Variants in SLC25A25 observed in about 807,000 individuals in gnomAD.
SLC25A25 encodes solute carrier family 25 member 25.
A neutral mutation model predicts 57.7 loss-of-function variants in SLC25A25; 32 were observed. That is an observed-to-expected ratio of 0.55 (90% CI 0.42 to 0.74). The LOEUF (loss-of-function observed/expected upper bound fraction) is 0.74. Ranked by LOEUF, SLC25A25 falls within the 30% of genes least tolerant of loss-of-function variation. The pLI is 0.00. For missense variants in SLC25A25, 556 were observed against 701.3 expected (o/e 0.79, Z 2.34); for synonymous variants, 306 against 291.2 (o/e 1.05, Z -0.52).
intron 1 of SLC25A25, among the ~76,000 whole-genome samples, chr9:128,087,667 A>C: frequency 6.6e-6 from 1 of 152,126 alleles, no homozygotes; most frequent in East Asian, 1.9e-4. Flanking sequence ...CCCCTCCTTC[A>C]TGGACTCCAG....
chr9:128,069,331 A>C (rs1832849979), intron 1 of SLC25A25, among the ~76,000 whole-genome samples: 1 of 151,866 alleles, frequency 6.6e-6, no homozygotes, highest in Non-Finnish European at 1.5e-5. Flanking sequence ...CTGTATGAGA[A>C]CCTCAGAGCA....
In SLC25A25 at chr9:128,103,124, A is replaced by G. The variant is rs1017346738; in HGVS notation, c.625-557A>G. On this transcript the variant is annotated intron_variant, in intron 5 of 10. Transcript: ENST00000373069. This position sits in a 1 kb window ranked among gnomAD's most constrained non-coding sequence, Gnocchi z 6.7. ...GGGCTTGTTAGGTGAGATTAAATGG[A>G]CAGCTCCAGGGGTGGGAGTAGCTGG... 2.6e-5 allele frequency among the ~76,000 whole-genome samples: 4 copies of G among 152,122 alleles called. No individual in the cohort carries two copies. The highest frequency in any genetic ancestry group is 9.7e-5 in the African/African-American group (4 of 41,416).
chr9:128,077,516 TA>T lies in SLC25A25; in HGVS notation c.261+8949del, dbSNP rs567869070. On this transcript the variant is annotated intron_variant, in intron 1 of 10. Coordinates refer to ENST00000373069, the MANE Select transcript of SLC25A25 (RefSeq NM_001330988.2). ...TGGGCGACAGAGCAAGACTCCGTCT[TA>T]AAAAAAAAAAAAGCCAGTCGCAAAG... Among the ~76,000 whole-genome samples the T allele has an allele frequency of 2.9e-3, 290 of 99,936 alleles. 5 individuals are homozygous for T. The highest frequency in any genetic ancestry group is 0.028 in the Middle Eastern group (5 of 178). The allele number at this position is 99,936 out of a possible 152,430, so 65.6% of individuals were successfully genotyped here. A position where few individuals can be genotyped will look rare whatever the true frequency, so the allele number is the denominator to read the frequency against.
rs1588790577 is a variant in SLC25A25, at chr9:128,103,979, T to C, written c.783+140T>C. ...ACCCAATAAATTAGACTAGAATTAT[T>C]GCTCAGACAGGGGGTACCAAAATGT... On this transcript the variant is annotated intron_variant, in intron 6 of 10. Coordinates refer to ENST00000373069, the MANE Select transcript of SLC25A25 (RefSeq NM_001330988.2). This position sits in a 1 kb window ranked among gnomAD's most constrained non-coding sequence, Gnocchi z 6.7. 1.1e-6 allele frequency: 1 copy of C among 872,130 alleles called. No homozygotes were observed. The highest frequency in any genetic ancestry group is 2.8e-5 in the East Asian group (1 of 35,266). The allele number at this position is 872,130 out of a possible 1,614,324, so 54.0% of individuals were successfully genotyped here. A position where few individuals can be genotyped will look rare whatever the true frequency, so the allele number is the denominator to read the frequency against.
At chr9:128,088,830 C>T (rs1214832316) in intron 1 of SLC25A25, among the ~76,000 whole-genome samples, 6 of 152,150 alleles carry the variant, frequency 3.9e-5, no homozygotes, top group Non-Finnish European at 8.8e-5. Context: ...TAAGGGATTT[C>T]TCTTATGTGT....
chr9:128,089,214 G>A (rs1057287466), intron 1 of SLC25A25, among the ~76,000 whole-genome samples: 48 of 151,930 alleles, frequency 3.2e-4, no homozygotes, highest in African/African-American at 1.1e-3. Context: ...TTTACTTAGG[G>A]TTTTTGGCTG....
At position 128,102,037 on chromosome 9, in the gene SLC25A25, G is replaced by GTTGTTTCTGCTCTCTCCTCCGC. The variant is rs1564192538; in HGVS notation, c.477-42_477-21dup. 6.5e-7 allele frequency: 1 copy of GTTGTTTCTGCTCTCTCCTCCGC among 1,550,280 alleles called. No individual in the cohort carries two copies. The highest frequency in any genetic ancestry group is 2.4e-5 in the East Asian group (1 of 40,920). On this transcript the variant is annotated intron_variant, in intron 3 of 10. Transcript: ENST00000373069. The surrounding 1 kb of genome is among the most constrained non-coding windows in gnomAD (Gnocchi z 4.1). Reference sequence around the variant, plus strand: ...AACATGGCTCCGAGCACTTATGCGTGTTGTTTCTGCTCTCTCCTCCGCATC... The same window carrying GTTGTTTCTGCTCTCTCCTCCGC: ...AACATGGCTCCGAGCACTTATGCGTGTTGTTTCTGCTCTCTCCTCCGCTTGTTTCTGCTCTCTCCTCCGCATC...
chr9:128,068,254 C>G lies in SLC25A25; in HGVS notation c.-66C>G, dbSNP rs879808333. 50 of 970,906 alleles carry G rather than the reference C, an allele frequency of 5.1e-5. No individual in the cohort carries two copies. Among genetic ancestry groups the G allele is most frequent in the Non-Finnish European group, 6.7e-5 (50 of 748,958 alleles). 60.1% of individuals were successfully genotyped at this position (970,906 alleles called of 1,614,324 possible). On this transcript the variant is annotated 5_prime_UTR_variant, in exon 1 of 11. Transcript: ENST00000373069. The stretch of plus-strand genomic sequence containing the variant: ...GCTGCAGAGCGCCTGGCTTGCCTCC[C>G]GCGCGGTCACCGCCGGCCCGCCGCC...
chr9:128,077,366 A>T (rs1301853784), intron 1 of SLC25A25, among the ~76,000 whole-genome samples: 1 of 151,444 alleles, frequency 6.6e-6, no homozygotes, highest in Non-Finnish European at 1.5e-5. Context: ...ATACAAAAAA[A>T]ATTAGCCGGG....
chr9:128,103,534 C>A lies in SLC25A25; in HGVS notation c.625-147C>A, dbSNP rs1002770629. ...CTACCTTCAGAGTGAAGGGAAAGACCCCAGCCCGCTTCCCACCCAGAGTCC... is the reference window on the plus strand; with the variant it reads ...CTACCTTCAGAGTGAAGGGAAAGACACCAGCCCGCTTCCCACCCAGAGTCC... On this transcript the variant is annotated intron_variant, in intron 5 of 10. Transcript: ENST00000373069. This position sits in a 1 kb window ranked among gnomAD's most constrained non-coding sequence, Gnocchi z 6.7. The A allele has an allele frequency of 1.1e-6, 1 of 925,868 alleles. No homozygotes were observed. The highest frequency in any genetic ancestry group is 1.6e-6 in the Non-Finnish European group (1 of 611,286). The allele number at this position is 925,868 out of a possible 1,614,324, so 57.4% of individuals were successfully genotyped here.
chr9:128,083,259 T>C (rs1022268060), intron 1 of SLC25A25, among the ~76,000 whole-genome samples: 7 of 150,474 alleles, frequency 4.7e-5, no homozygotes, highest in Non-Finnish European at 1.0e-4. Context: ...AAAAGTGTTT[T>C]TTTTTGTTTG....
rs1834040998 is a variant in SLC25A25, at chr9:128,106,447, C to T, written c.1139C>T (p.Ala380Val). 6.2e-7 allele frequency: 1 copy of T among 1,613,496 alleles called. No homozygotes were observed. Among genetic ancestry groups the T allele is most frequent in the Non-Finnish European group, 8.5e-7 (1 of 1,179,946 alleles). Reference sequence around the variant, plus strand: ...ATCCTGGCCAGAGAGGGGGTGGCCGCCTTCTACAAAGGCTATGTCCCCAAC... The same window carrying T: ...ATCCTGGCCAGAGAGGGGGTGGCCGTCTTCTACAAAGGCTATGTCCCCAAC... Reference protein sequence around the residue: ...RRILAREGVAAFYKGYVPNML... With the variant: ...RRILAREGVAVFYKGYVPNML... The change falls in exon 9 of 11, where the codon GCC (alanine) becomes GTC (valine). Residue 380 changes from alanine to valine, a missense_variant. By Grantham distance (64) the Ala-to-Val change is moderately conservative. Around this residue, in one of 3 missense-constraint regions of SLC25A25, gnomAD observed 294 missense variants for 389.6 expected, o/e 0.75. Transcript: ENST00000373069.
intron 1 of SLC25A25, chr9:128,092,182 TCA>T (rs34182859): frequency 0.15 from 222,947 of 1,477,834 alleles, 17,832 homozygotes; most frequent in South Asian, 0.25. Flanking sequence ...AAGGGAGAAC[TCA>T]CAACGTTAGT....
intron 1 of SLC25A25, chr9:128,091,604 A>T: frequency 9.0e-7 from 1 of 1,116,972 alleles, no homozygotes; most frequent in African/African-American, 1.7e-5. Flanking sequence ...TGCAGAAGTG[A>T]GTTTTTATTG....
chr9:128,102,577 C>A lies in SLC25A25; in HGVS notation c.624+96C>A. 1 of 873,412 alleles carries A rather than the reference C, an allele frequency of 1.1e-6. No homozygotes were observed. Among genetic ancestry groups the A allele is most frequent in the Non-Finnish European group, 1.8e-6 (1 of 560,638 alleles). 54.1% of individuals were successfully genotyped at this position (873,412 alleles called of 1,614,324 possible). ...CATCCCAGAGTGCAGCTGGGGCTTT[C>A]CAGCCACCTCCTCTTCCACAGGAGA... On this transcript the variant is annotated intron_variant, in intron 5 of 10. Coordinates refer to ENST00000373069, the MANE Select transcript of SLC25A25 (RefSeq NM_001330988.2). This position sits in a 1 kb window ranked among gnomAD's most constrained non-coding sequence, Gnocchi z 4.1.
chr9:128,086,190 T>A (rs1348287498), intron 1 of SLC25A25, among the ~76,000 whole-genome samples: 3 of 151,458 alleles, frequency 2.0e-5, no homozygotes, highest in Non-Finnish European at 2.9e-5. Context: ...TTAGACAAGA[T>A]CTCACTCTGT....
chr9:128,080,728 G>T (rs1003705539), intron 1 of SLC25A25, among the ~76,000 whole-genome samples: 20 of 152,234 alleles, frequency 1.3e-4, no homozygotes, highest in Admixed American at 2.6e-4. Context: ...CCCAGCCATT[G>T]TTGGCCTTTT....
Position 128,101,449 on chromosome 9 carries a change from T to A in SLC25A25, c.476+53T>A. The A allele has an allele frequency of 1.3e-6, 2 of 1,581,592 alleles. No individual in the cohort carries two copies. The highest frequency in any genetic ancestry group is 1.7e-6 in the Non-Finnish European group (2 of 1,153,938). On this transcript the variant is annotated intron_variant, in intron 3 of 10. Coordinates refer to ENST00000373069, the MANE Select transcript of SLC25A25 (RefSeq NM_001330988.2). The surrounding 1 kb of genome is among the most constrained non-coding windows in gnomAD (Gnocchi z 4.9). ...GGTTTAAGTGTGATGAAGGGAAGGC[T>A]CTGAGACTAACCCTCCGATGCCATT...
At position 128,068,372 on chromosome 9, in the gene SLC25A25, C is replaced by T. The variant is rs755662474; in HGVS notation, c.53C>T (p.Ala18Val). The change falls in exon 1 of 11, where the codon GCC becomes GTC. Residue 18 changes from alanine to valine, a missense_variant. Ala to Val is a moderately conservative substitution (Grantham distance 64). Coordinates refer to ENST00000373069, the MANE Select transcript of SLC25A25 (RefSeq NM_001330988.2). Reference sequence around the variant, plus strand: ...GTGGCCTCCCCGCCGCCGGACGCCGCCGCCACCGCCGCCTCTTCGTCTGCC... The same window carrying T: ...GTGGCCTCCCCGCCGCCGGACGCCGTCGCCACCGCCGCCTCTTCGTCTGCC... ...RCVASPPPDA[A>V]ATAASSSASS... The T allele has an allele frequency of 1.3e-6, 2 of 1,545,564 alleles. No individual in the cohort carries two copies. The highest frequency in any genetic ancestry group is 1.2e-5 in the South Asian group (1 of 85,570).
Sources: allele counts gnomAD v4.1 joint callset (sites outside exome capture counted in the v4.1 genomes callset), GRCh38; gene constraint gnomAD v4.1.1; regional missense constraint gnomAD v4.1.1; non-coding constraint Gnocchi (gnomAD v3.1); transcripts MANE v1.5; gene names NCBI Gene and HGNC (gene_info 2026-07-23, HGNC 2026-07-21).